The following VWA3B variants were observed in gnomAD, a reference collection of about 807,000 sequenced individuals.
The protein encoded by VWA3B is von Willebrand factor A domain-containing protein 3B.
A neutral mutation model predicts 158.3 loss-of-function variants in VWA3B; 138 were observed. That is an observed-to-expected ratio of 0.87 (90% CI 0.76 to 1.00). VWA3B has a LOEUF of 1.00. VWA3B is among the 50% of genes least tolerant of loss of function. VWA3B has a pLI of 0.00. For missense variants in VWA3B, 1,555 were observed against 1,565.1 expected (o/e 0.99, Z 0.11); for synonymous variants, 596 against 587.3 (o/e 1.01, Z -0.21).
intron 10 of VWA3B, 54 bp from the exon 11 acceptor site, chr2:98,192,844 G>A: frequency 6.2e-7 from 1 of 1,612,844 alleles, no homozygotes; most frequent in Non-Finnish European, 8.5e-7. Context: ...TTGGGAAGAT[G>A]CTCTTGTTGC....
the VWA3B span, among the ~76,000 whole-genome samples, chr2:98,324,926 C>T: frequency 1.3e-5 from 2 of 149,746 alleles, no homozygotes; most frequent in Admixed American, 6.6e-5. Flanking sequence ...AAAAAATCCA[C>T]TGGATGGGCT....
chr2:98,315,204 T>C (rs1040065459), downstream of VWA3B, among the ~76,000 whole-genome samples: 67 of 152,232 alleles, frequency 4.4e-4, no homozygotes, highest in Non-Finnish European at 2.6e-4. Context: ...GATGCATTCA[T>C]TGCCTCAGAT....
At chr2:98,198,240 A>G (rs1682228414) in intron 12 of VWA3B, among the ~76,000 whole-genome samples, 2 of 152,146 alleles carry the variant, frequency 1.3e-5, no homozygotes, top group African/African-American at 2.4e-5. Flanking sequence ...CTCATTACCT[A>G]TAACATATTT....
chr2:98,181,819 T>C (rs887418215), intron 9 of VWA3B, among the ~76,000 whole-genome samples: 1 of 152,170 alleles, frequency 6.6e-6, no homozygotes, highest in Non-Finnish European at 1.5e-5. Context: ...GCATCATGCA[T>C]ATGAGTCAGT....
At chr2:98,274,101 T>G (rs1037612534) in intron 22 of VWA3B, among the ~76,000 whole-genome samples, 2 of 152,122 alleles carry the variant, frequency 1.3e-5, no homozygotes, top group Non-Finnish European at 2.9e-5. Context: ...AGGTGTTGAG[T>G]AGCCTCTCTC....
chr2:98,181,707 T>C (rs1014301873), intron 9 of VWA3B, among the ~76,000 whole-genome samples: 1 of 152,208 alleles, frequency 6.6e-6, no homozygotes, highest in Non-Finnish European at 1.5e-5. Context: ...CTTTGAAAGC[T>C]GCAGTTCTAT....
Position 98,128,228 on chromosome 2 carries a change from C to G in VWA3B, c.703-11C>G. 6 of 1,613,370 alleles carry G rather than the reference C, an allele frequency of 3.7e-6. No homozygotes were observed. Among genetic ancestry groups the G allele is most frequent in the Non-Finnish European group, 4.2e-6 (5 of 1,179,340 alleles). On this transcript the variant is annotated splice_polypyrimidine_tract_variant and intron_variant, in intron 5 of 27. Transcript: ENST00000477737. ...TGAGGGAGATAAACCGTTGGCACCACTGTTTTGCAGATTGAATCCATTTAC... is the reference window on the plus strand; with the variant it reads ...TGAGGGAGATAAACCGTTGGCACCAGTGTTTTGCAGATTGAATCCATTTAC...
chr2:98,218,641 C>A (rs1162328342), intron 14 of VWA3B, among the ~76,000 whole-genome samples: 3 of 152,246 alleles, frequency 2.0e-5, no homozygotes, highest in African/African-American at 4.8e-5. Flanking sequence ...TCTGTTCTCT[C>A]ATCCTCCAGA....
At chr2:98,181,321 C>A in intron 9 of VWA3B, 109 bp downstream of exon 9, 31 of 1,220,292 alleles carry the variant, frequency 2.5e-5, no homozygotes, top group Non-Finnish European at 3.3e-5. Context: ...GGAGAGAAAC[C>A]AGCTTGGGTT....
At chr2:98,270,619 A>G (rs1212191289) in intron 21 of VWA3B, 63 bp from the exon 22 acceptor site, 2 of 1,499,376 alleles carry the variant, frequency 1.3e-6, no homozygotes, top group East Asian at 2.3e-5. Context: ...TTTTTTTATT[A>G]TAGTCATTTT....
rs1675277294 is a variant in VWA3B at position 98,125,382 on chromosome 2, T to C, written c.703-2857T>C. The stretch of plus-strand genomic sequence containing the variant: ...CAGCCTTGCCACAAATAGCACAGCG[T>C]AGCCGTGGACAGCAAGGGCAGGGCT... On this transcript the variant is annotated intron_variant, in intron 5 of 27. Coordinates refer to ENST00000477737, the MANE Select transcript of VWA3B (RefSeq NM_144992.5). This position sits in a 1 kb window ranked among gnomAD's most constrained non-coding sequence, Gnocchi z 4.1. Among the ~76,000 whole-genome samples, 1 of 152,220 alleles carries C rather than the reference T, an allele frequency of 6.6e-6. No homozygotes were observed. Among genetic ancestry groups the C allele is most frequent in the African/African-American group, 2.4e-5 (1 of 41,460 alleles).
At chr2:98,265,086 A>G (rs1687717916) in intron 21 of VWA3B, among the ~76,000 whole-genome samples, 1 of 151,480 alleles carries the variant, frequency 6.6e-6, no homozygotes, top group Non-Finnish European at 1.5e-5. Context: ...GTACACGTGC[A>G]CATTGTACAG....
intron 9 of VWA3B, among the ~76,000 whole-genome samples, chr2:98,185,377 C>G (rs1274622736): frequency 2.6e-5 from 4 of 152,258 alleles, no homozygotes; most frequent in African/African-American, 9.6e-5. Flanking sequence ...CTGGCTAATG[C>G]CAACTTTCCG....
chr2:98,204,485 A>G (rs1369156285), intron 12 of VWA3B, among the ~76,000 whole-genome samples: 1 of 152,216 alleles, frequency 6.6e-6, no homozygotes, highest in Admixed American at 6.5e-5. Context: ...CATTTGCCAA[A>G]TCCTTTTCTG....
chr2:98,232,041 C>T (rs1685371637), intron 16 of VWA3B, among the ~76,000 whole-genome samples: 1 of 152,136 alleles, frequency 6.6e-6, no homozygotes, highest in Non-Finnish European at 1.5e-5. Context: ...AATTGTCCCT[C>T]CTCTTCTATT....
chr2:98,183,434 A>G (rs923250387), intron 9 of VWA3B, among the ~76,000 whole-genome samples: 1 of 152,206 alleles, frequency 6.6e-6, no homozygotes, highest in African/African-American at 2.4e-5. Context: ...ACTCGTTAAC[A>G]CAGAAATGAA....
chr2:98,330,515 G>A, the VWA3B span, among the ~76,000 whole-genome samples: 2 of 152,134 alleles, frequency 1.3e-5, no homozygotes, highest in Admixed American at 6.5e-5. Context: ...AGGTCCATCT[G>A]GTGCCTTTGC....
chr2:98,091,125 C>G (rs1010693353), intron 1 of VWA3B, among the ~76,000 whole-genome samples: 1 of 152,086 alleles, frequency 6.6e-6, no homozygotes, highest in Non-Finnish European at 1.5e-5. Flanking sequence ...ATTAGCGTTC[C>G]GGATGAGGAC....
chr2:98,117,317 C>A (rs771038040), intron 3 of VWA3B, among the ~76,000 whole-genome samples: 6 of 152,120 alleles, frequency 3.9e-5, no homozygotes, highest in Non-Finnish European at 5.9e-5. Context: ...GAGGGTTTGA[C>A]TGTGGTGTGA....
Sources: allele counts gnomAD v4.1 joint callset (sites outside exome capture counted in the v4.1 genomes callset), GRCh38; gene constraint gnomAD v4.1.1; non-coding constraint Gnocchi (gnomAD v3.1); transcripts MANE v1.5; gene names NCBI Gene and HGNC (gene_info 2026-07-23, HGNC 2026-07-21).